The following ZPBP variants were observed in gnomAD, a reference collection of about 807,000 sequenced individuals.
The protein encoded by ZPBP is zona pellucida-binding protein 1.
A neutral mutation model predicts 44.8 loss-of-function variants in ZPBP; 26 were observed. That is an observed-to-expected ratio of 0.58 (90% confidence interval 0.43 to 0.81). The LOEUF (loss-of-function observed/expected upper bound fraction) is 0.81. ZPBP is among the 30% of genes least tolerant of loss of function. The pLI, the probability that ZPBP is intolerant of heterozygous loss-of-function variation, is 0.00. For missense variants in ZPBP, 409 were observed against 434.0 expected, an observed-to-expected ratio of 0.94 and a Z score of 0.51; for synonymous variants, 174 against 153.2, an observed-to-expected ratio of 1.14 and a Z score of -1.00.
chr7:49,938,214 T>G (rs983641669), intron 7 of ZPBP, among the ~76,000 whole-genome samples: 2 of 152,082 alleles, frequency 1.3e-5, no homozygotes, highest in African/African-American at 4.8e-5. Context: ...GCCATAACTG[T>G]GTATTTTAGG....
At chr7:49,941,772 C>G (rs1282387044) in intron 7 of ZPBP, among the ~76,000 whole-genome samples, 3 of 151,492 alleles carry the variant, frequency 2.0e-5, no homozygotes, top group Non-Finnish European at 4.4e-5. Flanking sequence ...TTGTGAAAAA[C>G]AAAAATCTTT....
intron 2 of ZPBP, among the ~76,000 whole-genome samples, chr7:49,882,188 G>C (rs540591115): frequency 1.3e-5 from 2 of 152,120 alleles, no homozygotes; most frequent in African/African-American, 4.8e-5. Flanking sequence ...TAATTTAAAA[G>C]AGAACAAAAC....
intron 2 of ZPBP, among the ~76,000 whole-genome samples, chr7:49,876,943 A>G (rs1791437259): frequency 6.6e-6 from 1 of 151,930 alleles, no homozygotes; most frequent in African/African-American, 2.4e-5. Flanking sequence ...TCTTTGCCCA[A>G]TTTCTTTTGA....
intron 3 of ZPBP, among the ~76,000 whole-genome samples, chr7:50,063,567 G>A (rs1047673503): frequency 7.9e-5 from 12 of 152,140 alleles, no homozygotes; most frequent in African/African-American, 2.9e-4. Flanking sequence ...ACCTACCAGT[G>A]AGGGTTTTGA....
intron 6 of ZPBP, among the ~76,000 whole-genome samples, chr7:49,993,589 T>C (rs1449233429): frequency 6.6e-6 from 1 of 152,148 alleles, no homozygotes; most frequent in Non-Finnish European, 1.5e-5. Context: ...TGTAACAACA[T>C]TAAATAAGAA....
At position 50,052,315 on chromosome 7, in the gene ZPBP, G is replaced by T. The variant is rs1800735423; in HGVS notation, c.487+5674C>A. On this transcript the variant is annotated intron_variant, in intron 4 of 7. Transcript: ENST00000046087. ...ATATGAACAGAAATTTTACCTAAGA[G>T]GATGTACAGATGGCAAATAAACTCA... Among the ~76,000 whole-genome samples, 3 of 152,214 alleles carry T rather than the reference G, an allele frequency of 2.0e-5. No individual in the cohort carries two copies. In the South Asian group the frequency reaches 6.2e-4, roughly 32 times the overall value.
intron 7 of ZPBP, among the ~76,000 whole-genome samples, chr7:49,973,210 A>C (rs931872652): frequency 2.0e-5 from 3 of 151,454 alleles, no homozygotes; most frequent in African/African-American, 2.4e-5. Context: ...CAAAAGAAAA[A>C]ATCTGGACTT....
chr7:49,846,892 ATAT>A (rs1789963837), downstream of ZPBP, among the ~76,000 whole-genome samples: 1 of 152,188 alleles, frequency 6.6e-6, no homozygotes, highest in South Asian at 2.1e-4. Flanking sequence ...ATGAGGTAAA[ATAT>A]TATGATACAA....
At chr7:50,078,699 A>G (rs1202878017) in intron 3 of ZPBP, among the ~76,000 whole-genome samples, 3 of 151,604 alleles carry the variant, frequency 2.0e-5, no homozygotes, top group Non-Finnish European at 4.4e-5. Context: ...CAAGACAAAC[A>G]AAAACAGACA....
At chr7:50,086,885 A>G (rs1802685432) in intron 2 of ZPBP, among the ~76,000 whole-genome samples, 1 of 152,088 alleles carries the variant, frequency 6.6e-6, no homozygotes, top group Admixed American at 6.6e-5. Context: ...ATAGCCAGAC[A>G]CATCATAATC....
intron 7 of ZPBP, among the ~76,000 whole-genome samples, chr7:49,979,453 T>A (rs1336236585): frequency 6.6e-6 from 1 of 152,008 alleles, no homozygotes; most frequent in Non-Finnish European, 1.5e-5. Flanking sequence ...ATACTTCTTA[T>A]GACAAGAATA....
Position 50,093,049 on chromosome 7 carries a change from G to A in ZPBP, c.127+19C>T. 6.3e-7 allele frequency: 1 copy of A among 1,594,636 alleles called. No homozygotes were observed. The highest frequency in any genetic ancestry group is 8.5e-7 in the Non-Finnish European group (1 of 1,171,572). On this transcript the variant is annotated intron_variant, in intron 1 of 7. Transcript: ENST00000046087. ...TGCGGTTGTCCCTGCGGAGCCGGCA[G>A]GGCGGCGCGGACCCTCACCTGATGA...
intron 3 of ZPBP, among the ~76,000 whole-genome samples, chr7:50,075,696 G>C (rs1802043264): frequency 6.6e-6 from 1 of 151,862 alleles, no homozygotes; most frequent in Non-Finnish European, 1.5e-5. Context: ...TACCAAGATT[G>C]AATCAGGAAG....
At position 50,031,204 on chromosome 7, in the gene ZPBP, TA is replaced by T. The variant is rs1799591150; in HGVS notation, c.593del (p.Leu198Ter). On this transcript the variant is annotated frameshift_variant, in exon 5 of 8. Transcript: ENST00000046087. LOFTEE classifies it high-confidence loss of function. Reference protein sequence around the residue: ...ISFEKKLLQILSKLLLDLSCE... With the variant: ...ISFEKKLLQIXSKLLLDLSCE... ...ATGAAAGGTCAAGAAGCAGTTTGCT[TA>T]AAATCTGAAGAAGTTTCTTCTCAAA... is the stretch of plus-strand genomic sequence containing the variant. The T allele has an allele frequency of 2.5e-6, 4 of 1,613,492 alleles. No homozygotes were observed. The highest frequency in any genetic ancestry group is 3.4e-6 in the Non-Finnish European group (4 of 1,179,830).
chr7:50,008,516 C>T (rs962643578), intron 6 of ZPBP, among the ~76,000 whole-genome samples: 5 of 151,772 alleles, frequency 3.3e-5, no homozygotes, highest in Admixed American at 6.6e-5. Context: ...AATAGAAAAA[C>T]CCATCCTCAA....
intron 4 of ZPBP, among the ~76,000 whole-genome samples, chr7:50,057,586 T>C (rs969209532): frequency 6.8e-4 from 103 of 152,306 alleles, no homozygotes; most frequent in African/African-American, 2.5e-3. Flanking sequence ...AAAAGGTCAA[T>C]CCACCAGAAA....
chr7:50,078,207 G>T (rs1802195536), intron 3 of ZPBP, among the ~76,000 whole-genome samples: 1 of 151,658 alleles, frequency 6.6e-6, no homozygotes, highest in Non-Finnish European at 1.5e-5. Flanking sequence ...TGAACTCATG[G>T]ACATAGACAG....
rs141916611 is a variant in ZPBP at position 49,892,337 on chromosome 7, C to T, written n.509+8781G>A. Among the ~76,000 whole-genome samples the T allele has an allele frequency of 1.1e-4, 16 of 152,070 alleles. No individual in the cohort carries two copies. In the East Asian group the frequency reaches 1.9e-3, roughly 18 times the overall value. On this transcript the variant is annotated intron_variant and non_coding_transcript_variant, in intron 2 of 2. Transcript: ENST00000465922. Reference sequence around the variant, plus strand: ...CTGGGATTACAAGCGTGAGCCACCGCGCCCGGCCAGACAAAGTAGATTTTA... The same window carrying T: ...CTGGGATTACAAGCGTGAGCCACCGTGCCCGGCCAGACAAAGTAGATTTTA...
In ZPBP at chr7:49,862,035, A is replaced by G. The variant is rs575699399; in HGVS notation, n.510-11521T>C. Among the ~76,000 whole-genome samples the G allele has an allele frequency of 6.2e-4, 94 of 152,318 alleles. 3 individuals are homozygous for G. In the South Asian group the frequency reaches 0.019, roughly 31 times the overall value. On this transcript the variant is annotated intron_variant and non_coding_transcript_variant, in intron 2 of 2. Coordinates refer to the ZPBP transcript ENST00000465922. ...AAAAAATGGTTGTTGGAATTTTGAA[A>G]GGGATTGTATTGACTCTGTAGATTT... is the stretch of plus-strand genomic sequence containing the variant.
Sources: allele counts gnomAD v4.1 joint callset (sites outside exome capture counted in the v4.1 genomes callset), GRCh38; gene constraint gnomAD v4.1.1; transcripts MANE v1.5; gene names NCBI Gene and HGNC (gene_info 2026-07-23, HGNC 2026-07-21).